The following FARS2 variants were observed in gnomAD, a reference collection of about 807,000 sequenced individuals.
FARS2 encodes the protein phenylalanyl-tRNA synthetase 2, mitochondrial, also known as phenylalanine--tRNA ligase, mitochondrial.
A neutral mutation model predicts 46.4 loss-of-function variants in FARS2; 40 were observed. The observed-to-expected ratio is 0.86, with a 90% CI of 0.67 to 1.12. FARS2 has a LOEUF of 1.12. FARS2 is among the 50% of genes most tolerant of loss of function. The pLI is 0.00. For synonymous variants in FARS2, 234 were observed against 214.9 expected, an observed-to-expected ratio of 1.09 and a Z score of -0.78; for missense variants, 513 against 567.9, an observed-to-expected ratio of 0.90 and a Z score of 0.98.
rs1433842973 is a variant in FARS2, at chr6:5,630,613, G to A, written c.1217+17293G>A. Among the ~76,000 whole-genome samples the A allele has an allele frequency of 3.3e-5, 5 of 152,278 alleles. No individual in the cohort carries two copies. Among genetic ancestry groups the A allele is most frequent in the East Asian group, 1.9e-4 (1 of 5,184 alleles). On this transcript the variant is annotated intron_variant, in intron 6 of 6. Transcript: ENST00000274680. The surrounding 1 kb of genome is among the most constrained non-coding windows in gnomAD (Gnocchi z 4.2). ...AAATAATACTGCAGGGAAGTTTCACGTTGCTGTCATTTACCCGTTCTGATT... is the reference window on the plus strand; with the variant it reads ...AAATAATACTGCAGGGAAGTTTCACATTGCTGTCATTTACCCGTTCTGATT...
intron 4 of FARS2, among the ~76,000 whole-genome samples, chr6:5,488,859 T>C (rs922298430): frequency 1.1e-4 from 17 of 152,186 alleles, no homozygotes; most frequent in African/African-American, 3.9e-4. Context: ...TGCCTGTTTC[T>C]TTTTCAGGTG....
intron 2 of FARS2, among the ~76,000 whole-genome samples, chr6:5,395,250 C>T (rs985680887): frequency 2.0e-5 from 3 of 152,106 alleles, no homozygotes; most frequent in African/African-American, 7.2e-5. Flanking sequence ...AGAGTCTCAC[C>T]ATGTTGGCCA....
intron 6 of FARS2, among the ~76,000 whole-genome samples, chr6:5,656,288 A>G (rs1367120557): frequency 4.6e-5 from 7 of 152,318 alleles, no homozygotes; most frequent in Admixed American, 2.6e-4. Context: ...CCTCTCACAC[A>G]CATCAGCTGT....
At chr6:5,730,327 C>T (rs768733985) in intron 6 of FARS2, among the ~76,000 whole-genome samples, 12 of 152,120 alleles carry the variant, frequency 7.9e-5, no homozygotes, top group Non-Finnish European at 1.6e-4. Flanking sequence ...AATTACTGAG[C>T]AAGCTGGATA....
At chr6:5,590,085 G>A (rs1194940168) in intron 5 of FARS2, among the ~76,000 whole-genome samples, 1 of 152,184 alleles carries the variant, frequency 6.6e-6, no homozygotes, top group African/African-American at 2.4e-5. Context: ...CAAAATGTAT[G>A]TAAGGTTCTC....
chr6:5,624,547 A>G (rs752228333), intron 6 of FARS2, among the ~76,000 whole-genome samples: 5 of 152,224 alleles, frequency 3.3e-5, no homozygotes, highest in Non-Finnish European at 7.3e-5. Flanking sequence ...TGCTGTTGCA[A>G]TGCACACCTT....
chr6:5,672,444 C>T (rs1357877040), intron 6 of FARS2, among the ~76,000 whole-genome samples: 1 of 152,188 alleles, frequency 6.6e-6, no homozygotes, highest in Non-Finnish European at 1.5e-5. Context: ...TGAAAACTCC[C>T]CTTTTCAATT....
rs141882466 is a variant in FARS2, at chr6:5,759,532, A to G, written c.1218-11759A>G. Reference sequence around the variant, plus strand: ...TGGTCGGCATTCATTTGCTGAATGAATAAATGAATTGAGTGGATGCATGAA... The same window carrying G: ...TGGTCGGCATTCATTTGCTGAATGAGTAAATGAATTGAGTGGATGCATGAA... On this transcript the variant is annotated intron_variant, in intron 6 of 6. Coordinates refer to ENST00000274680, the MANE Select transcript of FARS2 (RefSeq NM_006567.5). Among the ~76,000 whole-genome samples, 75 of 152,274 alleles carry G rather than the reference A, an allele frequency of 4.9e-4. 1 individual carries two copies. The highest frequency in any genetic ancestry group is 1.7e-3 in the African/African-American group (70 of 41,552).
chr6:5,427,767 C>A (rs1187389601), intron 3 of FARS2, among the ~76,000 whole-genome samples: 1 of 152,044 alleles, frequency 6.6e-6, no homozygotes, highest in Admixed American at 6.6e-5. Context: ...AAAAAAGACA[C>A]CTGCAGGATG....
At chr6:5,652,578 C>A (rs1412122977) in intron 6 of FARS2, among the ~76,000 whole-genome samples, 1 of 152,262 alleles carries the variant, frequency 6.6e-6, no homozygotes, top group Non-Finnish European at 1.5e-5. Context: ...TCACCTCTCT[C>A]AGAATGGCCC....
chr6:5,550,103 G>C (rs1771283123), intron 5 of FARS2, among the ~76,000 whole-genome samples: 1 of 152,066 alleles, frequency 6.6e-6, no homozygotes, highest in Non-Finnish European at 1.5e-5. Context: ...AATAGTTGTA[G>C]ACATTTCCAT....
intron 6 of FARS2, among the ~76,000 whole-genome samples, chr6:5,645,636 T>C (rs1368547673): frequency 6.6e-6 from 1 of 152,210 alleles, no homozygotes; most frequent in Non-Finnish European, 1.5e-5. Flanking sequence ...AGCTGGTGCA[T>C]GTGGAGGCTG....
intron 4 of FARS2, among the ~76,000 whole-genome samples, chr6:5,502,402 T>A (rs991551650): frequency 6.6e-6 from 1 of 152,228 alleles, no homozygotes; most frequent in Admixed American, 6.5e-5. Context: ...TGGTAATTTT[T>A]AAAATTATTT....
intron 5 of FARS2, among the ~76,000 whole-genome samples, chr6:5,603,692 G>C (rs192104567): frequency 4.6e-5 from 7 of 152,278 alleles, no homozygotes; most frequent in Admixed American, 1.3e-4. Context: ...CCTGTGTTCA[G>C]ACCTCCCCAG....
intron 3 of FARS2, among the ~76,000 whole-genome samples, chr6:5,415,315 T>TC (rs1381660712): frequency 1.5e-5 from 2 of 129,634 alleles, no homozygotes; most frequent in African/African-American, 5.8e-5. Flanking sequence ...CTTTTCTTTT[T>TC]TTTTTTTTTT....
At chr6:5,609,653 T>G (rs1335498903) in intron 5 of FARS2, 1 of 1,236,782 alleles carries the variant, frequency 8.1e-7, no homozygotes, top group Non-Finnish European at 1.2e-6. Context: ...TGACAGGGCT[T>G]TCCTAACTTC....
intron 3 of FARS2, among the ~76,000 whole-genome samples, chr6:5,430,484 G>A (rs1184772547): frequency 1.3e-5 from 2 of 152,026 alleles, no homozygotes; most frequent in African/African-American, 4.8e-5. Context: ...TAGGAAAAAT[G>A]TTGGACTTTA....
At chr6:5,460,742 C>T (rs984353897) in intron 4 of FARS2, among the ~76,000 whole-genome samples, 9 of 152,156 alleles carry the variant, frequency 5.9e-5, no homozygotes, top group African/African-American at 1.7e-4. Context: ...CTCTACATGC[C>T]GACCAGGAGA....
At chr6:5,307,274 A>T (rs574821040) in intron 1 of FARS2, among the ~76,000 whole-genome samples, 1 of 152,270 alleles carries the variant, frequency 6.6e-6, no homozygotes, top group Non-Finnish European at 1.5e-5. Flanking sequence ...ATTATGACTG[A>T]TGAGTTGGCT....
Sources: allele counts gnomAD v4.1 joint callset (sites outside exome capture counted in the v4.1 genomes callset), GRCh38; gene constraint gnomAD v4.1.1; non-coding constraint Gnocchi (gnomAD v3.1); transcripts MANE v1.5; gene names NCBI Gene and HGNC (gene_info 2026-07-23, HGNC 2026-07-21).